The following FNDC3B variants were observed in gnomAD, a reference collection of about 807,000 sequenced individuals.
The protein encoded by FNDC3B is fibronectin type III domain containing 3B.
A neutral mutation model predicts 151.5 loss-of-function variants in FNDC3B; 12 were observed. That is an observed-to-expected ratio of 0.08 (90% CI 0.05 to 0.13). The LOEUF is 0.13. Among genes scored for constraint, FNDC3B ranks in the 10% least tolerant of loss-of-function variants. The pLI, the probability that FNDC3B is intolerant of heterozygous loss-of-function variation, is 1.00. For synonymous variants in FNDC3B, 528 were observed against 549.0 expected (o/e 0.96, Z 0.54); for missense variants, 1,214 against 1,505.3 (o/e 0.81, Z 3.20).
intron 6 of FNDC3B, among the ~76,000 whole-genome samples, chr3:172,257,225 T>C (rs1728396998): frequency 6.6e-6 from 1 of 152,208 alleles, no homozygotes; most frequent in African/African-American, 2.4e-5. Flanking sequence ...AACACTTTTT[T>C]ATGTATAAAA....
intron 1 of FNDC3B, among the ~76,000 whole-genome samples, chr3:172,090,529 G>A (rs1344557977): frequency 6.6e-6 from 1 of 152,212 alleles, no homozygotes; most frequent in Admixed American, 6.5e-5. Context: ...CAAGTTTCCT[G>A]CTTCTCCAGA....
intron 3 of FNDC3B, among the ~76,000 whole-genome samples, chr3:172,177,106 T>C (rs1391207150): frequency 1.3e-5 from 2 of 152,196 alleles, no homozygotes; most frequent in Non-Finnish European, 2.9e-5. Flanking sequence ...AAATTGAGGA[T>C]GGAGGGTTCT....
chr3:172,061,031 G>T (rs977913273), intron 1 of FNDC3B, among the ~76,000 whole-genome samples: 1 of 152,140 alleles, frequency 6.6e-6, no homozygotes, highest in African/African-American at 2.4e-5. Flanking sequence ...GAAAATGAAG[G>T]CAGTGTTTCT....
rs111271872 is a variant in FNDC3B at position 172,285,447 on chromosome 3, C to G, written c.791-479C>G. Among the ~76,000 whole-genome samples the G allele has an allele frequency of 3.1e-3, 476 of 152,248 alleles. 2 individuals carry two copies. Among genetic ancestry groups the G allele is most frequent in the South Asian group, 0.028 (134 of 4,820 alleles). ...TTTCTTAGACACCCCAGTGGCTGCCCGTCGAACGTAAACATGTGAACTTAA... is the reference window on the plus strand; with the variant it reads ...TTTCTTAGACACCCCAGTGGCTGCCGGTCGAACGTAAACATGTGAACTTAA... On this transcript the variant is annotated intron_variant, in intron 6 of 25. Transcript: ENST00000415807.
At chr3:172,320,686 TAGTC>T (rs751046412) in intron 11 of FNDC3B, among the ~76,000 whole-genome samples, 2 of 152,206 alleles carry the variant, frequency 1.3e-5, no homozygotes, top group Admixed American at 6.5e-5. Context: ...TTAGAAATGT[TAGTC>T]AGGGCAGCCA....
chr3:172,049,889 G>A (rs1372245119), intron 1 of FNDC3B, among the ~76,000 whole-genome samples: 1 of 152,154 alleles, frequency 6.6e-6, no homozygotes, highest in Non-Finnish European at 1.5e-5. Flanking sequence ...TTTGATTTCT[G>A]TTTAAGAGAA....
At chr3:172,362,184 G>T (rs1365760700) in intron 22 of FNDC3B, among the ~76,000 whole-genome samples, 3 of 152,118 alleles carry the variant, frequency 2.0e-5, no homozygotes, top group Non-Finnish European at 4.4e-5. Flanking sequence ...GCTGGCAAAA[G>T]GGAGACATGA....
intron 7 of FNDC3B, among the ~76,000 whole-genome samples, chr3:172,289,625 C>T (rs1284556223): frequency 2.6e-5 from 4 of 152,186 alleles, no homozygotes; most frequent in African/African-American, 4.8e-5. Flanking sequence ...TTTAACTTTT[C>T]GCTCCTAATA....
chr3:172,287,787 T>C (rs911678195), intron 7 of FNDC3B, among the ~76,000 whole-genome samples: 2 of 152,214 alleles, frequency 1.3e-5, no homozygotes, highest in Non-Finnish European at 2.9e-5. Context: ...TTAGATTCAT[T>C]GGTCCTTTTT....
At chr3:172,260,733 G>A (rs1728603770) in intron 6 of FNDC3B, among the ~76,000 whole-genome samples, 1 of 152,116 alleles carries the variant, frequency 6.6e-6, no homozygotes, top group Admixed American at 6.6e-5. Flanking sequence ...CCCCAAAAAA[G>A]GTTCTCGGAC....
intron 3 of FNDC3B, among the ~76,000 whole-genome samples, chr3:172,179,211 G>A (rs974136367): frequency 5.3e-5 from 8 of 150,424 alleles, no homozygotes; most frequent in East Asian, 3.9e-4. Context: ...ACAGGCACGC[G>A]CCACCATGCC....
chr3:172,312,289 G>A lies in FNDC3B; in HGVS notation c.1254+1408G>A, dbSNP rs540716403. On this transcript the variant is annotated intron_variant, in intron 11 of 25. Transcript: ENST00000415807. ...CGTCTGTTGTTCTTAGGATCGTTTC[G>A]AATAGCTTGTACATGCAGGTTGGTA... Among the ~76,000 whole-genome samples, 17 of 152,254 alleles carry A rather than the reference G, an allele frequency of 1.1e-4. No homozygotes were observed. The South Asian group carries it at 1.2e-3, about 11-fold the overall frequency.
intron 4 of FNDC3B, among the ~76,000 whole-genome samples, chr3:172,229,644 C>T (rs1192532979): frequency 6.6e-6 from 1 of 152,122 alleles, no homozygotes; most frequent in African/African-American, 2.4e-5. Context: ...CATATTGCCT[C>T]ATGGGGATTG....
chr3:172,065,970 G>T (rs1199247920), intron 1 of FNDC3B, among the ~76,000 whole-genome samples: 3 of 152,114 alleles, frequency 2.0e-5, no homozygotes, highest in Non-Finnish European at 4.4e-5. Context: ...GGTTAATGTA[G>T]TTACTTTGTC....
intron 7 of FNDC3B, among the ~76,000 whole-genome samples, chr3:172,287,392 G>A (rs2108828276): frequency 6.6e-6 from 1 of 152,248 alleles, no homozygotes; most frequent in African/African-American, 2.4e-5. Flanking sequence ...GGAGCGAGGA[G>A]GAACAAGATA....
chr3:172,173,699 T>C (rs1723398903), intron 3 of FNDC3B, among the ~76,000 whole-genome samples: 1 of 151,740 alleles, frequency 6.6e-6, no homozygotes, highest in South Asian at 2.1e-4. Flanking sequence ...TGCATACCTG[T>C]AGTCCCAGCT....
At chr3:172,340,988 G>A in intron 16 of FNDC3B, 125 bp from the exon 17 acceptor site, 1 of 692,556 alleles carries the variant, frequency 1.4e-6, no homozygotes. Context: ...GAGCTTTCTG[G>A]CTATTTAAAA....
At chr3:172,333,241 C>A in intron 14 of FNDC3B, 66 bp downstream of exon 14, 1 of 1,026,532 alleles carries the variant, frequency 9.7e-7, no homozygotes, top group Non-Finnish European at 1.5e-6. Flanking sequence ...CACCATTTAC[C>A]ATGTCAGATT....
At chr3:172,326,665 C>T (rs1221716535) in intron 11 of FNDC3B, among the ~76,000 whole-genome samples, 1 of 152,148 alleles carries the variant, frequency 6.6e-6, no homozygotes, top group African/African-American at 2.4e-5. Flanking sequence ...TCCCCTTCTC[C>T]TAATTCTTTA....
Sources: gnomAD v4.1 joint callset for allele counts (sites outside exome capture counted in the v4.1 genomes callset) on GRCh38, gnomAD v4.1.1 for gene constraint, MANE v1.5 for transcripts, NCBI Gene and HGNC (gene_info 2026-07-23, HGNC 2026-07-21) for gene names.